The following GPC4 variants were observed in gnomAD, a reference collection of about 807,000 sequenced individuals.
The protein encoded by GPC4 is glypican 4, also known as glypican-4.
Under a neutral mutation model 35.0 loss-of-function variants are expected in GPC4, and 10 were observed. That is an observed-to-expected ratio of 0.29 (90% CI 0.18 to 0.48). The LOEUF is 0.48. Ranked by LOEUF, GPC4 falls within the 20% of genes least tolerant of loss-of-function variation. The pLI is 0.99. For missense variants in GPC4, 322 were observed against 451.3 expected (o/e 0.71, Z 2.60); for synonymous variants, 167 against 170.2 (o/e 0.98, Z 0.15).
chrX:133,330,996 G>A (rs2068417898), intron 2 of GPC4, among the ~76,000 whole-genome samples: 1 of 111,453 alleles, frequency 9.0e-6, no homozygotes, highest in African/African-American at 3.3e-5. Context: ...CTGCTCCTTG[G>A]TGGACAGGCC....
chrX:133,312,708 G>GAAAC (rs3831666), intron 3 of GPC4, among the ~76,000 whole-genome samples: 48,917 of 106,516 alleles, frequency 0.46, 11,113 homozygotes, highest in African/African-American at 0.84. Flanking sequence ...GAAGAAAGGA[G>GAAAC]AAACAAACAA....
At chrX:133,342,513 C>T (rs779596233) in intron 1 of GPC4, among the ~76,000 whole-genome samples, 3 of 111,785 alleles carry the variant, frequency 2.7e-5, no homozygotes, top group Non-Finnish European at 5.6e-5. Context: ...AAAGTTCACA[C>T]TTTGGGCCAT....
intron 3 of GPC4, among the ~76,000 whole-genome samples, chrX:133,318,907 G>A (rs572580704): frequency 8.9e-6 from 1 of 112,047 alleles, no homozygotes; most frequent in South Asian, 3.8e-4. Flanking sequence ...GGAGATGTGG[G>A]CCCAGAAAAA....
At chrX:133,367,389 T>C (rs983904176) in intron 1 of GPC4, among the ~76,000 whole-genome samples, 1 of 112,396 alleles carries the variant, frequency 8.9e-6, no homozygotes, top group Admixed American at 9.4e-5. Context: ...TCCTCAACCT[T>C]AGGCTAAGTT....
intron 1 of GPC4, among the ~76,000 whole-genome samples, chrX:133,366,913 A>C (rs2068592219): frequency 8.9e-6 from 1 of 111,737 alleles, no homozygotes; most frequent in Admixed American, 9.5e-5. Flanking sequence ...ACTTCACTTT[A>C]GCCTCTGATT....
chrX:133,414,934 C>A lies in GPC4; in HGVS notation c.32G>T (p.Cys11Phe), dbSNP rs1263592590. The change falls in exon 1 of 9, where the codon TGC becomes TTC. Residue 11 changes from cysteine (C) to phenylalanine (F), a missense_variant. Around this residue, in one of 3 missense-constraint regions of GPC4, gnomAD observed 60 missense variants for 64.1 expected, o/e 0.94. Transcript: ENST00000370828. ...CGCGGCGCTGAGCACTGCCAGGGTGCAGAGAAGCGCGGGCAAGCCGAACCG... is the reference window on the plus strand; with the variant it reads ...CGCGGCGCTGAGCACTGCCAGGGTGAAGAGAAGCGCGGGCAAGCCGAACCG... MARFGLPALL[C>F]TLAVLSAALL... The A allele has an allele frequency of 1.7e-6, 2 of 1,209,812 alleles. No individual in the cohort carries two copies. The highest frequency in any genetic ancestry group is 3.5e-5 in the African/African-American group (2 of 57,515).
At chrX:133,323,682 C>T (rs1433641210) in intron 3 of GPC4, among the ~76,000 whole-genome samples, 2 of 112,122 alleles carry the variant, frequency 1.8e-5, no homozygotes, top group East Asian at 2.8e-4. Context: ...GCTCTGAGTA[C>T]ACTTTCTAAC....
intron 2 of GPC4, among the ~76,000 whole-genome samples, chrX:133,329,690 C>G (rs1328560742): frequency 9.0e-6 from 1 of 110,754 alleles, no homozygotes; most frequent in African/African-American, 3.3e-5. Flanking sequence ...AGGTCGACAC[C>G]CCCCACCCAT....
intron 1 of GPC4, among the ~76,000 whole-genome samples, chrX:133,404,279 G>A (rs910284383): frequency 2.7e-5 from 3 of 109,841 alleles, no homozygotes; most frequent in African/African-American, 1.0e-4. Context: ...CAGGTGTGGT[G>A]GCTCACGCCT....
intron 1 of GPC4, among the ~76,000 whole-genome samples, chrX:133,341,511 T>A (rs2068466706): frequency 8.9e-6 from 1 of 111,786 alleles, no homozygotes; most frequent in Admixed American, 9.5e-5. Context: ...GTGGTATGCA[T>A]GAATTTTCAA....
chrX:133,331,602 T>C (rs748339939), intron 2 of GPC4, among the ~76,000 whole-genome samples: 118 of 110,761 alleles, frequency 1.1e-3, no homozygotes, highest in Non-Finnish European at 1.9e-3. Context: ...TGAAACTCTG[T>C]CTCTACTAAA....
intron 1 of GPC4, among the ~76,000 whole-genome samples, chrX:133,412,034 G>A (rs1272532842): frequency 1.8e-5 from 2 of 111,605 alleles, no homozygotes; most frequent in Non-Finnish European, 3.8e-5. Flanking sequence ...CATTAAACTT[G>A]GGCTGAGCCT....
At chrX:133,376,410 C>A (rs1227256558) in intron 1 of GPC4, among the ~76,000 whole-genome samples, 1 of 112,663 alleles carries the variant, frequency 8.9e-6, no homozygotes, top group Non-Finnish European at 1.9e-5. Context: ...GGCATGTGTG[C>A]ATGCATATGT....
At chrX:133,312,529 T>C (rs1242945475) in intron 3 of GPC4, among the ~76,000 whole-genome samples, 1 of 109,274 alleles carries the variant, frequency 9.2e-6, no homozygotes, top group Non-Finnish European at 1.9e-5. Flanking sequence ...CTCAGGAGGC[T>C]GAGGCAGAAG....
intron 1 of GPC4, among the ~76,000 whole-genome samples, chrX:133,411,501 A>G (rs1311935351): frequency 2.7e-5 from 3 of 111,709 alleles, no homozygotes; most frequent in African/African-American, 6.5e-5. Context: ...TTAATATTCT[A>G]TAGTATTAGA....
At chrX:133,328,508 T>C (rs2068404339) in intron 2 of GPC4, among the ~76,000 whole-genome samples, 1 of 111,759 alleles carries the variant, frequency 8.9e-6, no homozygotes, top group Non-Finnish European at 1.9e-5. Flanking sequence ...TCCTTTCTAT[T>C]CCCATGACAT....
chrX:133,337,086 T>G lies in GPC4; in HGVS notation c.319+2097A>C, dbSNP rs182393945. Among the ~76,000 whole-genome samples, 41 of 112,193 alleles carry G rather than the reference T, an allele frequency of 3.7e-4. No individual in the cohort carries two copies. In the East Asian group the frequency reaches 0.011, roughly 30 times the overall value. On this transcript the variant is annotated intron_variant, in intron 2 of 8. Transcript: ENST00000370828. ...TGCCCGCCGTGGCCTCCCAAAGTGCTGGGATTACAGGCATGAACCACCATG... is the reference window on the plus strand; with the variant it reads ...TGCCCGCCGTGGCCTCCCAAAGTGCGGGGATTACAGGCATGAACCACCATG...
Position 133,365,463 on chromosome X carries a change from T to C in GPC4, c.161-26122A>G, listed in dbSNP as rs146244571. On this transcript the variant is annotated intron_variant, in intron 1 of 8. Coordinates refer to ENST00000370828, the MANE Select transcript of GPC4 (RefSeq NM_001448.3). ...AGTCTAATGTGGATCATGCCATAAA[T>C]CCACCTCTTCTCACTTCCATTTCCA... 4.1e-4 allele frequency among the ~76,000 whole-genome samples: 46 copies of C among 111,660 alleles called. No individual in the cohort carries two copies. In the East Asian group the frequency reaches 0.012, roughly 28 times the overall value.
intron 2 of GPC4, among the ~76,000 whole-genome samples, chrX:133,334,140 T>C (rs1219281866): frequency 1.8e-5 from 2 of 112,092 alleles, no homozygotes; most frequent in East Asian, 2.8e-4. Context: ...TTCACGGGCA[T>C]ATAAATTTTA....
Sources: gnomAD v4.1 joint callset for allele counts (sites outside exome capture counted in the v4.1 genomes callset) on GRCh38, gnomAD v4.1.1 for gene constraint, gnomAD v4.1.1 regional missense constraint, MANE v1.5 for transcripts, NCBI Gene and HGNC (gene_info 2026-07-23, HGNC 2026-07-21) for gene names.